Variants in MSR1 observed in about 807,000 individuals in gnomAD.
The protein encoded by MSR1 is macrophage scavenger receptor types I and II.
Under a neutral mutation model 47.2 loss-of-function variants are expected in MSR1, and 53 were observed. The ratio of observed to expected loss-of-function variants is 1.12; its 90% CI spans 0.90 to 1.41. MSR1 has a LOEUF of 1.41. Ranked by LOEUF, MSR1 falls within the 40% of genes most tolerant of loss-of-function variation. The pLI is 0.00. For missense variants in MSR1, 786 were observed against 546.9 expected (o/e 1.44, Z -4.36); for synonymous variants, 239 against 185.6 (o/e 1.29, Z -2.34).
intron 8 of MSR1, among the ~76,000 whole-genome samples, chr8:16,129,671 A>G (rs1388592173): frequency 3.3e-5 from 5 of 151,966 alleles, no homozygotes; most frequent in Non-Finnish European, 7.4e-5. Flanking sequence ...TCACTTGAGG[A>G]CAGGAGGCAG....
At chr8:16,179,696 A>G (rs1801767503) in intron 1 of MSR1, among the ~76,000 whole-genome samples, 1 of 151,778 alleles carries the variant, frequency 6.6e-6, no homozygotes, top group African/African-American at 2.4e-5. Context: ...CCTGGCCAAC[A>G]TGGTGAAACA....
At chr8:16,137,809 T>C (rs746305392) in intron 8 of MSR1, among the ~76,000 whole-genome samples, 6 of 151,962 alleles carry the variant, frequency 3.9e-5, no homozygotes, top group Non-Finnish European at 7.4e-5. Context: ...CTTGGCAATA[T>C]AGTGAGATCC....
chr8:16,154,471 T>G (rs970811257), intron 6 of MSR1, among the ~76,000 whole-genome samples: 1 of 152,038 alleles, frequency 6.6e-6, no homozygotes, highest in Non-Finnish European at 1.5e-5. Context: ...GTTTTGCTCT[T>G]AGTAAAGCAC....
At chr8:16,157,842 C>G (rs1801053573) in intron 5 of MSR1, among the ~76,000 whole-genome samples, 1 of 151,934 alleles carries the variant, frequency 6.6e-6, no homozygotes, top group South Asian at 2.1e-4. Flanking sequence ...TTATCTGTTT[C>G]ACCTCCTAGT....
At chr8:16,178,274 G>GC (rs1801719666) in intron 1 of MSR1, among the ~76,000 whole-genome samples, 2 of 119,408 alleles carry the variant, frequency 1.7e-5, no homozygotes, top group African/African-American at 6.6e-5. Flanking sequence ...CCCACAACAG[G>GC]CCCCAGTGTG....
chr8:16,160,660 G>C lies in MSR1; in HGVS notation c.817+3405C>G, dbSNP rs138831211. On this transcript the variant is annotated intron_variant, in intron 5 of 9. Transcript: ENST00000262101. ...TTTAGAATAAGAATGGTGGAAAGTG[G>C]AGGAGGTAACTTCAAGTGGAGCCAA... Among the ~76,000 whole-genome samples, 258 of 152,114 alleles carry C rather than the reference G, an allele frequency of 1.7e-3. 2 individuals are homozygous for C. The highest frequency in any genetic ancestry group is 5.9e-3 in the African/African-American group (244 of 41,520).
At chr8:16,134,252 T>G (rs1473441343) in intron 8 of MSR1, among the ~76,000 whole-genome samples, 2 of 152,180 alleles carry the variant, frequency 1.3e-5, no homozygotes, top group Non-Finnish European at 2.9e-5. Flanking sequence ...AATAGATACC[T>G]TATTGTTCTT....
rs1460154828 is a variant in MSR1 at position 16,168,581 on chromosome 8, A to G, written c.507T>C (p.His169=). The change falls in exon 4 of 10, where the codon CAT becomes CAC. Residue 169 remains histidine, a synonymous_variant. Transcript: ENST00000262101. The stretch of plus-strand genomic sequence containing the variant: ...TGGAGATTTCATCTATTGCATTCCC[A>G]TGTCCCTGGACTGAGGAAAACAAGG... ...LSTLFSSVQG[H]GNAIDEISKS... 1 of 1,614,056 alleles carries G rather than the reference A, an allele frequency of 6.2e-7. No individual in the cohort carries two copies. The highest frequency in any genetic ancestry group is 1.3e-5 in the African/African-American group (1 of 74,934).
intron 9 of MSR1, among the ~76,000 whole-genome samples, chr8:16,116,656 C>G (rs1283597444): frequency 6.7e-6 from 1 of 150,240 alleles, no homozygotes; most frequent in Non-Finnish European, 1.5e-5. Flanking sequence ...CTTACCAGTT[C>G]TTTAGACCAG....
chr8:16,169,815 T>A (rs1801429332), intron 3 of MSR1, among the ~76,000 whole-genome samples: 1 of 151,986 alleles, frequency 6.6e-6, no homozygotes, highest in Non-Finnish European at 1.5e-5. Flanking sequence ...ATAGCTGCAT[T>A]TAGTTTGCCT....
chr8:16,191,378 G>T (rs905010419), intron 1 of MSR1, among the ~76,000 whole-genome samples: 8 of 152,056 alleles, frequency 5.3e-5, no homozygotes, highest in African/African-American at 1.9e-4. Context: ...TAACTTATTT[G>T]AATTGAACTT....
chr8:16,151,702 C>G (rs887909549), intron 6 of MSR1, among the ~76,000 whole-genome samples: 4 of 152,120 alleles, frequency 2.6e-5, no homozygotes, highest in African/African-American at 9.7e-5. Context: ...AAGTCAGAAT[C>G]CATCATTTTA....
chr8:16,140,885 T>A (rs752881501), intron 8 of MSR1: 2 of 1,605,112 alleles, frequency 1.2e-6, no homozygotes, highest in African/African-American at 2.7e-5. Flanking sequence ...GGAACCAAAG[T>A]CATTTGGAGG....
intron 8 of MSR1, 25 bp downstream of exon 8, chr8:16,143,533 A>G (rs748183555): frequency 1.2e-6 from 2 of 1,605,404 alleles, no homozygotes; most frequent in Non-Finnish European, 1.7e-6. Context: ...GAATTCACAC[A>G]GAAAACAAAA....
intron 5 of MSR1, among the ~76,000 whole-genome samples, chr8:16,159,731 T>C (rs926391329): frequency 6.6e-6 from 1 of 151,944 alleles, no homozygotes; most frequent in African/African-American, 2.4e-5. Context: ...GAGATACTTT[T>C]ATACATAACT....
chr8:16,177,007 G>T (rs571292056), intron 2 of MSR1, among the ~76,000 whole-genome samples: 5 of 152,146 alleles, frequency 3.3e-5, no homozygotes, highest in African/African-American at 9.7e-5. Flanking sequence ...TTAGCGATAT[G>T]TATTTATATT....
intron 8 of MSR1, among the ~76,000 whole-genome samples, chr8:16,121,891 A>G (rs768722294): frequency 6.6e-6 from 1 of 151,888 alleles, no homozygotes; most frequent in African/African-American, 2.4e-5. Flanking sequence ...ACGGTAATCT[A>G]ATAACATTTA....
intron 9 of MSR1, among the ~76,000 whole-genome samples, chr8:16,113,963 C>G: frequency 7.0e-6 from 1 of 143,246 alleles, no homozygotes; most frequent in East Asian, 2.2e-4. Flanking sequence ...CCTCTGCTAG[C>G]CCTACTTATT....
intron 8 of MSR1, among the ~76,000 whole-genome samples, chr8:16,125,310 C>T (rs1299378271): frequency 1.3e-5 from 2 of 152,122 alleles, no homozygotes; most frequent in Non-Finnish European, 2.9e-5. Flanking sequence ...CATGGGAAGG[C>T]AAATCACAGT....
Sources: allele counts gnomAD v4.1 joint callset (sites outside exome capture counted in the v4.1 genomes callset), GRCh38; gene constraint gnomAD v4.1.1; transcripts MANE v1.5; gene names NCBI Gene and HGNC (gene_info 2026-07-23, HGNC 2026-07-21).